The following DIP2C variants were observed in gnomAD, a reference collection of about 807,000 sequenced individuals.
The protein encoded by DIP2C is disco-interacting protein 2 homolog C.
A neutral mutation model predicts 192.4 loss-of-function variants in DIP2C; 33 were observed. The observed-to-expected ratio is 0.17, with a 90% confidence interval of 0.13 to 0.23. The LOEUF is 0.23. Among genes scored for constraint, DIP2C ranks in the 10% least tolerant of loss-of-function variants. The probability of loss-of-function intolerance (pLI) is 1.00; values close to 1 mark genes in which losing one functional copy is unlikely to be tolerated. For synonymous variants in DIP2C, 979 were observed against 864.1 expected, an observed-to-expected ratio of 1.13 and a Z score of -2.33; for missense variants, 1,537 against 2,110.1, an observed-to-expected ratio of 0.73 and a Z score of 5.32.
At chr10:583,839 T>C (rs1850812167) in intron 1 of DIP2C, among the ~76,000 whole-genome samples, 2 of 152,196 alleles carry the variant, frequency 1.3e-5, no homozygotes, top group Admixed American at 6.5e-5. Flanking sequence ...GCCAAAAACA[T>C]GGAAGACCTG....
intron 1 of DIP2C, among the ~76,000 whole-genome samples, chr10:606,329 G>A (rs367781815): frequency 3.3e-5 from 5 of 152,082 alleles, no homozygotes; most frequent in Admixed American, 6.5e-5. Flanking sequence ...ACGGCCACTC[G>A]CCCCGCTGCC....
chr10:471,435 G>A (rs1970621436), intron 3 of DIP2C, among the ~76,000 whole-genome samples: 2 of 152,110 alleles, frequency 1.3e-5, no homozygotes, highest in Non-Finnish European at 2.9e-5. Context: ...AGACTCACAG[G>A]CTTTCCTCGA....
intron 10 of DIP2C, among the ~76,000 whole-genome samples, chr10:392,698 A>G (rs942640350): frequency 3.9e-5 from 6 of 152,082 alleles, no homozygotes; most frequent in African/African-American, 1.4e-4. Flanking sequence ...TCTTCAACAC[A>G]CATACGTGCC....
intron 2 of DIP2C, among the ~76,000 whole-genome samples, chr10:474,841 T>C (rs1970935242): frequency 6.6e-6 from 1 of 152,216 alleles, no homozygotes; most frequent in African/African-American, 2.4e-5. Context: ...AATCCTTATG[T>C]AATACCCATT....
chr10:606,118 G>A (rs900755823), intron 1 of DIP2C, among the ~76,000 whole-genome samples: 1 of 152,218 alleles, frequency 6.6e-6, no homozygotes, highest in African/African-American at 2.4e-5. Context: ...AGAAACCCAC[G>A]AACCCGTTTC....
intron 5 of DIP2C, 91 bp downstream of exon 5, chr10:422,733 G>C: frequency 6.9e-7 from 1 of 1,450,006 alleles, no homozygotes; most frequent in East Asian, 2.3e-5. Flanking sequence ...TTTCCACCGA[G>C]GGATTCCGCT....
intron 1 of DIP2C, among the ~76,000 whole-genome samples, chr10:526,305 G>A (rs760579296): frequency 2.2e-4 from 34 of 152,196 alleles, no homozygotes; most frequent in Non-Finnish European, 3.5e-4. Flanking sequence ...ACTTGAAGGT[G>A]TGAATTTTAT....
intron 1 of DIP2C, among the ~76,000 whole-genome samples, chr10:514,089 T>C (rs927689920): frequency 1.3e-5 from 2 of 152,198 alleles, no homozygotes; most frequent in Non-Finnish European, 2.9e-5. Flanking sequence ...GCCTATAGCA[T>C]GTGTAACAGG....
At chr10:617,627 C>T (rs1419055498) in intron 1 of DIP2C, among the ~76,000 whole-genome samples, 1 of 152,044 alleles carries the variant, frequency 6.6e-6, no homozygotes, top group African/African-American at 2.4e-5. Flanking sequence ...GCAAACCCAG[C>T]CCCACTGTCC....
chr10:507,803 A>G (rs192423067), intron 1 of DIP2C, among the ~76,000 whole-genome samples: 4 of 152,334 alleles, frequency 2.6e-5, no homozygotes, highest in Admixed American at 2.0e-4. Context: ...TGAAAACCTG[A>G]GCACAATCAG....
chr10:364,586 G>T lies in DIP2C; in HGVS notation c.2269-4C>A, dbSNP rs771759507. On this transcript the variant is annotated splice_polypyrimidine_tract_variant and splice_region_variant and intron_variant, in intron 19 of 36. Transcript: ENST00000280886. ...CGGAGCTTGTCATGGGAAACACCTG[G>T]GGGAAACAGCATCCATCAGGCCACT... 15 of 1,612,956 alleles carry T rather than the reference G, an allele frequency of 9.3e-6. No homozygotes were observed. Among genetic ancestry groups the T allele is most frequent in the Non-Finnish European group, 1.2e-5 (14 of 1,179,204 alleles).
At chr10:289,461 T>A (rs1031459999) in intron 32 of DIP2C, among the ~76,000 whole-genome samples, 1 of 152,082 alleles carries the variant, frequency 6.6e-6, no homozygotes, top group South Asian at 2.1e-4. Flanking sequence ...AGAGAGGAGA[T>A]CTCACTATGT....
At chr10:554,049 GCGAACAGGCAAGAAA>G (rs1848720368) in intron 1 of DIP2C, among the ~76,000 whole-genome samples, 1 of 151,888 alleles carries the variant, frequency 6.6e-6, no homozygotes, top group Non-Finnish European at 1.5e-5. Context: ...TGTAAGAGTG[GCGAACAGGCAAGAAA>G]TATACATCAT....
intron 12 of DIP2C, 79 bp from the exon 13 acceptor site, chr10:390,172 C>T (rs1367558570): frequency 1.9e-6 from 3 of 1,582,278 alleles, no homozygotes; most frequent in African/African-American, 1.3e-5. Flanking sequence ...TTCTCCAAGT[C>T]CCTGAATTTT....
chr10:592,422 A>T (rs1851455507), intron 1 of DIP2C, among the ~76,000 whole-genome samples: 1 of 152,256 alleles, frequency 6.6e-6, no homozygotes, highest in Admixed American at 6.5e-5. Flanking sequence ...CCAAATGTCC[A>T]TCGATACGAA....
chr10:565,184 G>A (rs1000846777), intron 1 of DIP2C, among the ~76,000 whole-genome samples: 3 of 151,998 alleles, frequency 2.0e-5, no homozygotes, highest in Non-Finnish European at 2.9e-5. Flanking sequence ...AAGAGAACAC[G>A]TCCATTCCAT....
At chr10:606,210 C>G (rs954027648) in intron 1 of DIP2C, among the ~76,000 whole-genome samples, 1 of 152,186 alleles carries the variant, frequency 6.6e-6, no homozygotes, top group Non-Finnish European at 1.5e-5. Context: ...AGCCACGGCC[C>G]AGCAGCACCT....
intron 4 of DIP2C, among the ~76,000 whole-genome samples, chr10:435,758 T>C (rs1967128197): frequency 1.3e-5 from 2 of 152,198 alleles, no homozygotes; most frequent in Admixed American, 1.3e-4. Context: ...TCCATTGTAA[T>C]AAAAAGTGTC....
Position 648,869 on chromosome 10 carries a change from G to A in DIP2C, c.85+40625C>T, listed in dbSNP as rs541363259. Among the ~76,000 whole-genome samples, 146 of 148,484 alleles carry A rather than the reference G, an allele frequency of 9.8e-4. 2 individuals carry two copies. The highest frequency in any genetic ancestry group is 7.5e-3 in the Middle Eastern group (2 of 266). On this transcript the variant is annotated intron_variant, in intron 1 of 36. Transcript: ENST00000280886. ...GAGAACAGAGGAAAACTGAGTCCAC[G>A]TCAACATTTGAGGGTGGGAGAGAAC... is the stretch of plus-strand genomic sequence containing the variant.
Sources: gnomAD v4.1 joint callset for allele counts (sites outside exome capture counted in the v4.1 genomes callset) on GRCh38, gnomAD v4.1.1 for gene constraint, MANE v1.5 for transcripts, NCBI Gene and HGNC (gene_info 2026-07-23, HGNC 2026-07-21) for gene names.